The following FN3K variants were observed in gnomAD, a reference collection of about 807,000 sequenced individuals.
FN3K encodes the protein fructosamine-3-kinase.
FN3K carries 24 observed loss-of-function variants against 24.8 expected under a neutral mutation model. The ratio of observed to expected loss-of-function variants is 0.97; its 90% CI spans 0.70 to 1.36. FN3K has a LOEUF of 1.36. Ranked by LOEUF, FN3K falls within the 40% of genes most tolerant of loss-of-function variation. FN3K has a pLI of 0.00. For missense variants in FN3K, 449 were observed against 416.7 expected, an observed-to-expected ratio of 1.08 and a Z score of -0.67; for synonymous variants, 192 against 175.2, an observed-to-expected ratio of 1.10 and a Z score of -0.76.
intron 5 of FN3K, chr17:82,749,616 A>G: frequency 6.0e-6 from 1 of 168,002 alleles, no homozygotes. Context: ...GTGAGGGGAG[A>G]TTGCACCATT....
chr17:82,741,107 A>T, intron 3 of FN3K: 1 of 676,880 alleles, frequency 1.5e-6, no homozygotes, highest in African/African-American at 1.8e-5. Context: ...AACCCCTTTT[A>T]TACCCAGCCC....
At chr17:82,742,460 T>C (rs534998490) in intron 4 of FN3K, among the ~76,000 whole-genome samples, 1 of 152,352 alleles carries the variant, frequency 6.6e-6, no homozygotes, top group Admixed American at 6.5e-5. Context: ...GGATATGTCA[T>C]ATGAGTGGAA....
chr17:82,735,933 C>A, intron 1 of FN3K, 156 bp downstream of exon 1: 2 of 967,626 alleles, frequency 2.1e-6, no homozygotes, highest in Non-Finnish European at 3.0e-6. Context: ...CCGGCTCAAG[C>A]GTTCTGTGAA....
Position 82,735,777 on chromosome 17 carries a change from G to A in FN3K, c.141G>A (p.Gln47=). The A allele has an allele frequency of 6.4e-7, 1 of 1,560,856 alleles. No homozygotes were observed. Among genetic ancestry groups the A allele is most frequent in the East Asian group, 2.3e-5 (1 of 42,692 alleles). Residue 47 remains glutamine, a splice_region_variant and synonymous_variant, in exon 1 of 6, where the codon CAG becomes CAA. Coordinates refer to ENST00000300784, the MANE Select transcript of FN3K (RefSeq NM_022158.4). ...TCGTCAAAGTCAACCGCAGGACGCA[G>A]GTGCTGGCCCGTGCGCAGGCGGGGG... ...PVFVKVNRRT[Q]ARQMFEGEVA... is the part of the protein sequence containing the mutation.
intron 1 of FN3K, 160 bp downstream of exon 1, chr17:82,735,937 C>A: frequency 1.1e-6 from 1 of 936,322 alleles, no homozygotes; most frequent in Non-Finnish European, 1.6e-6. Flanking sequence ...CTCAAGCGTT[C>A]TGTGAAGGTT....
chr17:82,748,966 T>TA lies in FN3K; in HGVS notation c.580_581insA (p.Ser194TyrfsTer32). On this transcript the variant is annotated frameshift_variant, in exon 5 of 6. Transcript: ENST00000300784. LOFTEE classifies it low-confidence loss of function (END_TRUNC). ...TGACCGAGAGGCACGAGAACTCTGGTCCCGGCTACAGGTGGGCACGGCAGT... is the reference window on the plus strand; with the variant it reads ...TGACCGAGAGGCACGAGAACTCTGGTACCCGGCTACAGGTGGGCACGGCAGT... 1 of 1,614,132 alleles carries TA rather than the reference T, an allele frequency of 6.2e-7. No individual in the cohort carries two copies.
chr17:82,742,593 G>A, intron 4 of FN3K: 1 of 417,344 alleles, frequency 2.4e-6, no homozygotes, highest in Non-Finnish European at 4.8e-6. Flanking sequence ...CTATGGCTAG[G>A]CCACACGTTT....
intron 4 of FN3K, among the ~76,000 whole-genome samples, chr17:82,741,957 G>T (rs1334627031): frequency 6.6e-6 from 1 of 151,940 alleles, no homozygotes; most frequent in Admixed American, 6.6e-5. Flanking sequence ...GCCCAGGCTG[G>T]AGTGCAATGG....
At chr17:82,739,558 C>T (rs1308727227) in intron 2 of FN3K, among the ~76,000 whole-genome samples, 2 of 150,364 alleles carry the variant, frequency 1.3e-5, no homozygotes, top group East Asian at 2.0e-4. Context: ...CCTGGGTTGA[C>T]GCCATTCTCC....
In FN3K at chr17:82,740,827, A is replaced by G. The variant is rs371202212; in HGVS notation, c.358A>G (p.Lys120Glu). 91 of 1,613,314 alleles carry G rather than the reference A, an allele frequency of 5.6e-5. No individual in the cohort carries two copies. Among genetic ancestry groups the G allele is most frequent in the Non-Finnish European group, 6.4e-5 (76 of 1,179,618 alleles). Reference sequence around the variant, plus strand: ...TCTTTACAACCAGAAGCTCAGGGAGAAGTTGAAGGAGGAGGAGAACACAGT... The same window carrying G: ...TCTTTACAACCAGAAGCTCAGGGAGGAGTTGAAGGAGGAGGAGAACACAGT... Reference protein sequence around the residue: ...LHLYNQKLREKLKEEENTVGR... With the variant: ...LHLYNQKLREELKEEENTVGR... The change falls in exon 3 of 6, where the codon AAG becomes GAG. Residue 120 changes from lysine to glutamate, a missense_variant. Physicochemically the swap from Lys to Glu is moderately conservative, Grantham distance 56. Transcript: ENST00000300784.
chr17:82,750,813 C>G lies in FN3K; in HGVS notation c.*58C>G, dbSNP rs1568073252. ...CCCGTCTCCGTCTCCCCGTCCCTGT[C>G]CCCCCGTCCCCCGTCCCTGTGCCCC... On this transcript the variant is annotated 3_prime_UTR_variant, in exon 6 of 6. Coordinates refer to ENST00000300784, the MANE Select transcript of FN3K (RefSeq NM_022158.4). 7.5e-7 allele frequency: 1 copy of G among 1,340,166 alleles called. No individual in the cohort carries two copies. The allele number at this position is 1,340,166 out of a possible 1,614,324, so 83.0% of individuals were successfully genotyped here. A position where few individuals can be genotyped will look rare whatever the true frequency, so the allele number is the denominator to read the frequency against.
Position 82,750,525 on chromosome 17 carries a change from G to A in FN3K, c.700G>A (p.Asp234Asn). 3.1e-6 allele frequency: 5 copies of A among 1,614,120 alleles called. No homozygotes were observed. Among genetic ancestry groups the A allele is most frequent in the Non-Finnish European group, 4.2e-6 (5 of 1,179,996 alleles). ...AEDDVGPIIY[D>N]PASFYGHSEF... The stretch of plus-strand genomic sequence containing the variant: ...GGACGACGTGGGGCCCATTATTTAC[G>A]ACCCGGCTTCCTTCTATGGCCATTC... Residue 234 changes from aspartate (D) to asparagine (N), a missense_variant, in exon 6 of 6, where the codon GAC becomes AAC. Physicochemically the swap from Asp to Asn is conservative, Grantham distance 23 (BLOSUM62 1). Coordinates refer to ENST00000300784, the MANE Select transcript of FN3K (RefSeq NM_022158.4).
At chr17:82,736,017 A>G in intron 1 of FN3K, 2 of 530,398 alleles carry the variant, frequency 3.8e-6, no homozygotes, top group Non-Finnish European at 3.3e-6. Context: ...GGGTGGTTTT[A>G]ACTTTCCTAT....
Position 82,750,445 on chromosome 17 carries a change from TAG to T in FN3K, c.624_625del (p.Glu208AspfsTer17). 2 of 1,614,150 alleles carry T rather than the reference TAG, an allele frequency of 1.2e-6. No individual in the cohort carries two copies. Among genetic ancestry groups the T allele is most frequent in the Non-Finnish European group, 1.7e-6 (2 of 1,180,018 alleles). On this transcript the variant is annotated frameshift_variant, in exon 6 of 6. Transcript: ENST00000300784. LOFTEE classifies it low-confidence loss of function (END_TRUNC). ...AAGATCCCGGATCTGTTTTGTGGCC[TAG>T]AGATTGTCCCCGCGTTGCTCCACGG...
intron 3 of FN3K, 168 bp downstream of exon 3, chr17:82,741,022 C>G: frequency 1.5e-6 from 1 of 679,772 alleles, no homozygotes; most frequent in East Asian, 2.7e-5. Flanking sequence ...TTTGATGTAG[C>G]TGATAAGCTA....
chr17:82,738,315 A>T (rs2046917225), intron 1 of FN3K, 174 bp from the exon 2 acceptor site: 5 of 682,000 alleles, frequency 7.3e-6, no homozygotes, highest in African/African-American at 2.5e-5. Context: ...CTCGTCTCCG[A>T]CGGGGGGCCC....
chr17:82,736,074 C>G (rs2046898878), intron 1 of FN3K: 1 of 360,466 alleles, frequency 2.8e-6, no homozygotes, highest in African/African-American at 2.2e-5. Flanking sequence ...TGGCTCAGCT[C>G]TGGGCCGCCC....
chr17:82,737,273 C>T (rs1335974385), intron 1 of FN3K, among the ~76,000 whole-genome samples: 1 of 152,108 alleles, frequency 6.6e-6, no homozygotes, highest in Non-Finnish European at 1.5e-5. Context: ...ACACTTTGGG[C>T]GACTGAGGAA....
At chr17:82,742,850 C>G (rs2046948632) in intron 4 of FN3K, 4 of 398,084 alleles carry the variant, frequency 1.0e-5, no homozygotes, top group Non-Finnish European at 2.0e-5. Context: ...GACGCCCGTC[C>G]TGACTAGTTG....
Sources: gnomAD v4.1 joint callset for allele counts (sites outside exome capture counted in the v4.1 genomes callset) on GRCh38, gnomAD v4.1.1 for gene constraint, MANE v1.5 for transcripts, NCBI Gene and HGNC (gene_info 2026-07-23, HGNC 2026-07-21) for gene names.